Variants in CHN1 observed in about 807,000 individuals in gnomAD.
CHN1 encodes chimerin 1.
CHN1 carries 37 observed loss-of-function variants against 59.5 expected under a neutral mutation model. That is an observed-to-expected ratio of 0.62 (90% confidence interval 0.48 to 0.82). CHN1 has a LOEUF of 0.82. CHN1 is among the 40% of genes least tolerant of loss of function. CHN1 has a pLI of 0.00. For synonymous variants in CHN1, 206 were observed against 200.4 expected, an observed-to-expected ratio of 1.03 and a Z score of -0.24; for missense variants, 469 against 571.0, an observed-to-expected ratio of 0.82 and a Z score of 1.82.
Position 174,975,658 on chromosome 2 carries a change from A to C in CHN1, c.20-23456T>G, listed in dbSNP as rs368314518. On this transcript the variant is annotated intron_variant, in intron 1 of 12. Coordinates refer to ENST00000409900, the MANE Select transcript of CHN1 (RefSeq NM_001822.7). ...CAGGCAAAAAAAACAAAACAAACAA[A>C]AAAAAAAAAAACAGAAGCAATGATA... Among the ~76,000 whole-genome samples the C allele has an allele frequency of 4.0e-5, 6 of 150,116 alleles. No homozygotes were observed. The East Asian group carries it at 5.8e-4, about 15-fold the overall frequency.
At chr2:174,870,170 A>G (rs1687360653) in intron 6 of CHN1, among the ~76,000 whole-genome samples, 1 of 152,224 alleles carries the variant, frequency 6.6e-6, no homozygotes. Flanking sequence ...GATTCCTTCA[A>G]GTTACTGACA....
chr2:174,870,179 C>T (rs1687360970), intron 6 of CHN1, among the ~76,000 whole-genome samples: 1 of 152,114 alleles, frequency 6.6e-6, no homozygotes, highest in South Asian at 2.1e-4. Flanking sequence ...AAGTTACTGA[C>T]AAACCACAGT....
Position 174,929,428 on chromosome 2 carries a change from A to G in CHN1, c.115-10863T>C, listed in dbSNP as rs144380019. 4.4e-3 allele frequency among the ~76,000 whole-genome samples: 673 copies of G among 152,156 alleles called. 6 individuals carry two copies. Among genetic ancestry groups the G allele is most frequent in the African/African-American group, 0.015 (635 of 41,508 alleles). On this transcript the variant is annotated intron_variant, in intron 3 of 12. Transcript: ENST00000409900. ...CCCTGCCTCTACTAAAAATACAAAAATTAGCCATGCATGGTGGCAAGTGCC... is the reference window on the plus strand; with the variant it reads ...CCCTGCCTCTACTAAAAATACAAAAGTTAGCCATGCATGGTGGCAAGTGCC...
intron 7 of CHN1, among the ~76,000 whole-genome samples, chr2:174,840,309 T>G (rs986337926): frequency 6.6e-6 from 1 of 151,596 alleles, no homozygotes; most frequent in Non-Finnish European, 1.5e-5. Context: ...AAACCACAGG[T>G]GCACAATATC....
intron 3 of CHN1, among the ~76,000 whole-genome samples, chr2:174,942,006 A>G (rs1417087782): frequency 6.6e-6 from 1 of 152,236 alleles, no homozygotes; most frequent in African/African-American, 2.4e-5. Context: ...TCAAAAAGAC[A>G]AAACAAATGC....
At chr2:174,843,974 C>CTCTG (rs143335940) in intron 7 of CHN1, among the ~76,000 whole-genome samples, 5 of 149,972 alleles carry the variant, frequency 3.3e-5, no homozygotes, top group Non-Finnish European at 4.5e-5. Context: ...CTCTCTTTCT[C>CTCTG]TGTGTGTGTG....
At chr2:174,849,295 T>C (rs1315774646) in intron 6 of CHN1, among the ~76,000 whole-genome samples, 1 of 152,148 alleles carries the variant, frequency 6.6e-6, no homozygotes, top group Non-Finnish European at 1.5e-5. Context: ...AGAGGTAAGG[T>C]CTACTGTAGA....
intron 3 of CHN1, among the ~76,000 whole-genome samples, chr2:174,918,805 A>T (rs1428501414): frequency 6.6e-6 from 1 of 152,216 alleles, no homozygotes; most frequent in East Asian, 1.9e-4. Context: ...AACTATCTTT[A>T]GTTTCTAGAA....
intron 1 of CHN1, among the ~76,000 whole-genome samples, chr2:174,997,482 T>C (rs1051799383): frequency 6.6e-6 from 1 of 152,222 alleles, no homozygotes; most frequent in Non-Finnish European, 1.5e-5. Flanking sequence ...TGTACTTATC[T>C]ATGCTCAGCA....
chr2:174,968,632 A>C (rs1238457251), intron 1 of CHN1, among the ~76,000 whole-genome samples: 1 of 152,258 alleles, frequency 6.6e-6, no homozygotes, highest in Non-Finnish European at 1.5e-5. Flanking sequence ...GAGCAGAACC[A>C]GAATATGAAA....
In CHN1 at chr2:174,801,798, C is replaced by G; in HGVS notation, c.1117G>C (p.Asp373His). The change falls in exon 12 of 13, where the codon GAT (aspartate) becomes CAT (histidine). Residue 373 changes from aspartate (D) to histidine (H), a missense_variant. Coordinates refer to ENST00000409900, the MANE Select transcript of CHN1 (RefSeq NM_001822.7). ...TCATGAAGGGTTTCCAATTGCTCAT[C>G]CGGATCCATAATTTCTAAAATAGCA... is the stretch of plus-strand genomic sequence containing the variant. ...FIESAKIMDP[D>H]EQLETLHEAL... 6.2e-7 allele frequency: 1 copy of G among 1,612,578 alleles called. No homozygotes were observed. Among genetic ancestry groups the G allele is most frequent in the Non-Finnish European group, 8.5e-7 (1 of 1,178,820 alleles).
At chr2:174,888,970 T>C (rs1263120856) in intron 5 of CHN1, among the ~76,000 whole-genome samples, 1 of 152,068 alleles carries the variant, frequency 6.6e-6, no homozygotes, top group African/African-American at 2.4e-5. Context: ...GAATATGGTG[T>C]TCCAACTTTT....
At chr2:174,920,927 G>A in intron 3 of CHN1, 1 of 423,818 alleles carries the variant, frequency 2.4e-6, no homozygotes, top group South Asian at 1.7e-5. Flanking sequence ...GGGGGTGATG[G>A]GAGACAGTGA....
chr2:174,857,533 T>C (rs1452413045), intron 6 of CHN1, among the ~76,000 whole-genome samples: 3 of 152,096 alleles, frequency 2.0e-5, no homozygotes, highest in Non-Finnish European at 2.9e-5. Flanking sequence ...TATATAAATA[T>C]AAACGAAATT....
intron 8 of CHN1, among the ~76,000 whole-genome samples, chr2:174,823,664 GAA>G: frequency 7.5e-6 from 1 of 132,554 alleles, no homozygotes; most frequent in Middle Eastern, 3.8e-3. Context: ...CTCTGTCTCA[GAA>G]AAAAAAAAAA....
chr2:174,898,800 G>C (rs996143411), intron 5 of CHN1, among the ~76,000 whole-genome samples: 5 of 152,040 alleles, frequency 3.3e-5, no homozygotes, highest in African/African-American at 1.2e-4. Context: ...AACAGTGGCA[G>C]AAAATTCTTG....
At chr2:174,998,302 CA>C (rs34770658) in intron 1 of CHN1, among the ~76,000 whole-genome samples, 3,582 of 48,746 alleles carry the variant, frequency 0.073, 18 homozygotes, top group Middle Eastern at 0.14. Flanking sequence ...GACTCTGTCT[CA>C]AAAAAAAAAA....
intron 6 of CHN1, among the ~76,000 whole-genome samples, chr2:174,854,433 G>C (rs564211878): frequency 6.6e-6 from 1 of 152,216 alleles, no homozygotes; most frequent in South Asian, 2.1e-4. Context: ...AATTCCCACT[G>C]ATCTTACTAC....
At chr2:174,973,567 G>T (rs1056076795) in intron 1 of CHN1, among the ~76,000 whole-genome samples, 2 of 152,226 alleles carry the variant, frequency 1.3e-5, no homozygotes, top group African/African-American at 4.8e-5. Context: ...AGCAAAAGAT[G>T]AAGGATGCCT....
Sources: gnomAD v4.1 joint callset for allele counts (sites outside exome capture counted in the v4.1 genomes callset) on GRCh38, gnomAD v4.1.1 for gene constraint, MANE v1.5 for transcripts, NCBI Gene and HGNC (gene_info 2026-07-23, HGNC 2026-07-21) for gene names.